Variants in PPM1L observed in about 807,000 individuals in gnomAD.
PPM1L encodes the protein protein phosphatase 1L.
PPM1L carries 13 observed loss-of-function variants against 31.4 expected under a neutral mutation model. That is an observed-to-expected ratio of 0.41 (90% CI 0.27 to 0.66). The LOEUF is 0.66. Ranked by LOEUF, PPM1L falls within the 30% of genes least tolerant of loss-of-function variation. The pLI is 0.29. For synonymous variants in PPM1L, 184 were observed against 175.4 expected, an observed-to-expected ratio of 1.05 and a Z score of -0.39; for missense variants, 326 against 453.7, an observed-to-expected ratio of 0.72 and a Z score of 2.56.
chr3:160,880,167 C>A (rs1712661961), intron 1 of PPM1L, among the ~76,000 whole-genome samples: 1 of 152,086 alleles, frequency 6.6e-6, no homozygotes, highest in African/African-American at 2.4e-5. Flanking sequence ...AGGAGAGGAA[C>A]AATATTCTTG....
chr3:161,025,475 G>A (rs1718353272), intron 2 of PPM1L, among the ~76,000 whole-genome samples: 1 of 152,028 alleles, frequency 6.6e-6, no homozygotes, highest in African/African-American at 2.4e-5. Context: ...AGGAGGCTGA[G>A]GCAGGATGAT....
At chr3:160,893,614 G>C (rs1023833830) in intron 1 of PPM1L, among the ~76,000 whole-genome samples, 1 of 152,114 alleles carries the variant, frequency 6.6e-6, no homozygotes, top group African/African-American at 2.4e-5. Flanking sequence ...TTGGTCAGTC[G>C]TCCCAAAGTA....
chr3:161,026,764 G>A (rs1418607267), intron 2 of PPM1L, among the ~76,000 whole-genome samples: 4 of 152,012 alleles, frequency 2.6e-5, no homozygotes, highest in Non-Finnish European at 5.9e-5. Context: ...AGGGGAAAAT[G>A]TACTTGCCAA....
At chr3:160,961,950 A>G in intron 2 of PPM1L, 40 bp downstream of exon 2, 1 of 1,490,686 alleles carries the variant, frequency 6.7e-7, no homozygotes, top group Non-Finnish European at 8.9e-7. Flanking sequence ...TTTCCTTGCA[A>G]AAAAAATTCA....
At chr3:160,849,587 A>AT (rs1054267709) in intron 1 of PPM1L, among the ~76,000 whole-genome samples, 22 of 145,084 alleles carry the variant, frequency 1.5e-4, no homozygotes, top group Admixed American at 2.8e-4. Context: ...CGCCCGGCTA[A>AT]TTTTTTTTTT....
At position 160,756,752 on chromosome 3, in the gene PPM1L, CGTGTGTGTGTGTGTGTGTGTGT is replaced by C. The variant is rs113273287; in HGVS notation, c.399+62_399+83del. On this transcript the variant is annotated intron_variant, in intron 1 of 3. Transcript: ENST00000498165. The surrounding 1 kb of genome is among the most constrained non-coding windows in gnomAD (Gnocchi z 6.2). ...TTTGTATTTGTGTCCGTGTATGTCT[CGTGTGTGTGTGTGTGTGTGTGT>C]GTGTGTGTGTGTGTGTATAAACAAC... 5,567 of 1,016,772 alleles carry C rather than the reference CGTGTGTGTGTGTGTGTGTGTGT, an allele frequency of 5.5e-3. 20 individuals carry two copies. Among genetic ancestry groups the C allele is most frequent in the Non-Finnish European group, 7.2e-3 (5,059 of 700,438 alleles). 63.0% of individuals were successfully genotyped at this position (1,016,772 alleles called of 1,614,324 possible). A position where few individuals can be genotyped will look rare whatever the true frequency, so the allele number is the denominator to read the frequency against.
chr3:160,985,489 C>T (rs1297873422), intron 2 of PPM1L, among the ~76,000 whole-genome samples: 1 of 152,208 alleles, frequency 6.6e-6, no homozygotes, highest in Non-Finnish European at 1.5e-5. Context: ...TTTTAATATT[C>T]TCTAAAGCCA....
At chr3:161,056,994 C>T (rs187997234) in intron 2 of PPM1L, among the ~76,000 whole-genome samples, 46 of 152,074 alleles carry the variant, frequency 3.0e-4, no homozygotes, top group Non-Finnish European at 5.7e-4. Context: ...ACCTAGGAGG[C>T]GGAGGTTGCA....
At chr3:160,872,916 G>T (rs1712364819) in intron 1 of PPM1L, among the ~76,000 whole-genome samples, 1 of 152,084 alleles carries the variant, frequency 6.6e-6, no homozygotes, top group African/African-American at 2.4e-5. Flanking sequence ...GGCACAGCGG[G>T]ACTCTGTCTG....
intron 1 of PPM1L, among the ~76,000 whole-genome samples, chr3:160,803,908 AATTT>A (rs1279804722): frequency 9.2e-5 from 14 of 152,080 alleles, no homozygotes; most frequent in Non-Finnish European, 1.9e-4. Context: ...TATTAAATGT[AATTT>A]ATTTATTTAT....
chr3:160,812,061 G>C (rs964991518), intron 1 of PPM1L, among the ~76,000 whole-genome samples: 5 of 152,154 alleles, frequency 3.3e-5, no homozygotes, highest in Admixed American at 3.3e-4. Flanking sequence ...TTCAGATTTT[G>C]ATGAGGGTGC....
chr3:160,951,334 T>A (rs1435085741), intron 1 of PPM1L, among the ~76,000 whole-genome samples: 1 of 152,194 alleles, frequency 6.6e-6, no homozygotes, highest in African/African-American at 2.4e-5. Flanking sequence ...GGGCAAAGAA[T>A]TCATCATCAC....
At chr3:160,786,625 A>G (rs1423172862) in intron 1 of PPM1L, among the ~76,000 whole-genome samples, 6 of 148,112 alleles carry the variant, frequency 4.1e-5, no homozygotes, top group African/African-American at 1.5e-4. Flanking sequence ...TTCAGGGGGT[A>G]CCTGTATAGG....
At chr3:160,816,539 G>A (rs908598505) in intron 1 of PPM1L, among the ~76,000 whole-genome samples, 1 of 150,716 alleles carries the variant, frequency 6.6e-6, no homozygotes, top group Non-Finnish European at 1.5e-5. Flanking sequence ...GCCTTAGTTT[G>A]ATGTTGAAAA....
chr3:161,039,153 C>T (rs867549624), intron 2 of PPM1L, among the ~76,000 whole-genome samples: 4 of 152,148 alleles, frequency 2.6e-5, no homozygotes, highest in Admixed American at 2.0e-4. Flanking sequence ...GGGGCTGCTC[C>T]GTCTATGGAG....
intron 2 of PPM1L, among the ~76,000 whole-genome samples, chr3:160,968,500 G>A (rs1228180079): frequency 1.3e-5 from 2 of 152,006 alleles, no homozygotes; most frequent in African/African-American, 4.8e-5. Context: ...ACCAAGAGAG[G>A]GAATCTTTCC....
At chr3:160,991,742 A>T (rs1717141613) in intron 2 of PPM1L, among the ~76,000 whole-genome samples, 1 of 152,204 alleles carries the variant, frequency 6.6e-6, no homozygotes, top group Admixed American at 6.5e-5. Flanking sequence ...TGTGCCAATG[A>T]GAACCCAATC....
rs184462820 is a variant in PPM1L, at chr3:160,899,913, T to C, written c.400-61823T>C. On this transcript the variant is annotated intron_variant, in intron 1 of 3. Transcript: ENST00000498165. ...TAGATTATTTGAATCTTCACATATT[T>C]TTTCATTGTCTGATGAGCTAACAAA... Among the ~76,000 whole-genome samples, 16 of 152,288 alleles carry C rather than the reference T, an allele frequency of 1.1e-4. No homozygotes were observed. In the East Asian group the frequency reaches 3.1e-3, roughly 29 times the overall value.
chr3:161,002,440 T>C (rs949912930), intron 2 of PPM1L, among the ~76,000 whole-genome samples: 1 of 152,192 alleles, frequency 6.6e-6, no homozygotes, highest in African/African-American at 2.4e-5. Context: ...TTGAACTAGT[T>C]TACAGTCCCA....
Sources: gnomAD v4.1 joint callset for allele counts (sites outside exome capture counted in the v4.1 genomes callset) on GRCh38, gnomAD v4.1.1 for gene constraint, Gnocchi (gnomAD v3.1) non-coding constraint, MANE v1.5 for transcripts, NCBI Gene and HGNC (gene_info 2026-07-23, HGNC 2026-07-21) for gene names.